Variants in A2M observed in about 807,000 individuals in gnomAD.
A2M encodes C3 and PZP-like alpha-2-macroglobulin domain-containing protein 5.
A2M carries 128 observed loss-of-function variants against 183.9 expected under a neutral mutation model. That is an observed-to-expected ratio of 0.70 (90% confidence interval 0.60 to 0.81). The LOEUF (loss-of-function observed/expected upper bound fraction) is 0.81. Ranked by LOEUF, A2M falls within the 30% of genes least tolerant of loss-of-function variation. A2M has a pLI of 0.00. For synonymous variants in A2M, 592 were observed against 670.8 expected, an observed-to-expected ratio of 0.88 and a Z score of 1.81; for missense variants, 1,495 against 1,787.6, an observed-to-expected ratio of 0.84 and a Z score of 2.95.
chr12:9,069,910 G>A, intron 32 of A2M, 97 bp from the exon 33 acceptor site: 1 of 1,007,302 alleles, frequency 9.9e-7, no homozygotes, highest in South Asian at 1.4e-5. Context: ...AACCCTGAGG[G>A]TAGAATTCTT....
chr12:9,102,361 C>T (rs1937937250), intron 11 of A2M, among the ~76,000 whole-genome samples: 1 of 152,104 alleles, frequency 6.6e-6, no homozygotes, highest in Non-Finnish European at 1.5e-5. Flanking sequence ...ACTACAGGTG[C>T]ATGCCACCCC....
chr12:9,094,662 TG>T (rs1260940269), intron 17 of A2M, among the ~76,000 whole-genome samples: 2 of 152,100 alleles, frequency 1.3e-5, no homozygotes, highest in East Asian at 1.9e-4. Flanking sequence ...AAATATTGGC[TG>T]ATGTTTTGGG....
intron 13 of A2M, among the ~76,000 whole-genome samples, chr12:9,099,754 G>A (rs1937679184): frequency 6.6e-6 from 1 of 152,206 alleles, no homozygotes; most frequent in Admixed American, 6.5e-5. Context: ...TCTGATGCTA[G>A]TTAAGGGTAT....
At chr12:9,102,004 T>C (rs1475687913) in intron 11 of A2M, among the ~76,000 whole-genome samples, 19 of 152,206 alleles carry the variant, frequency 1.2e-4, no homozygotes, top group Admixed American at 1.2e-3. Flanking sequence ...TGAAACTTCA[T>C]TGAGGAGAGT....
rs1025738051 is a variant in A2M, at chr12:9,106,835, G to A, written c.880-230C>T. 7.2e-5 allele frequency among the ~76,000 whole-genome samples: 11 copies of A among 152,134 alleles called. 1 individual carries two copies. In the Middle Eastern group the frequency reaches 0.01, roughly 141 times the overall value. Reference sequence around the variant, plus strand: ...ATCTGAAATTCCCTAGATATATTGCGATAGAAATGTCTTAAAATTTGAGGA... The same window carrying A: ...ATCTGAAATTCCCTAGATATATTGCAATAGAAATGTCTTAAAATTTGAGGA... On this transcript the variant is annotated intron_variant, in intron 8 of 35. Transcript: ENST00000318602.
In A2M at chr12:9,115,844, C is replaced by T. The variant is rs750578780; in HGVS notation, c.6G>A (p.Gly2=). The T allele has an allele frequency of 6.8e-6, 11 of 1,612,952 alleles. No individual in the cohort carries two copies. The South Asian group carries it at 7.7e-5, about 11-fold the overall frequency. The part of the protein sequence containing the change: M[G]KNKLLHPSLV... ...GACTTGGATGAAGGAGTTTGTTCTT[C>T]CCCATGTTGCAGAAAGAAGGAGCTG... The change falls in exon 1 of 36, where the codon GGG becomes GGA. Residue 2 remains glycine (G), a synonymous_variant. Transcript: ENST00000318602.
chr12:9,068,805 A>G lies in A2M; in HGVS notation c.4301T>C (p.Leu1434Pro). Reference sequence around the variant, plus strand: ...CAGATCTCTTACTGGGACATCTTGCAGAACCGTGAAGAACAAGCTCAGTGT... The same window carrying G: ...CAGATCTCTTACTGGGACATCTTGCGGAACCGTGAAGAACAAGCTCAGTGT... ...NQTLSLFFTVLQDVPVRDLKP... is the reference protein window; with the variant it reads ...NQTLSLFFTVPQDVPVRDLKP... The change falls in exon 34 of 36, where the codon CTG becomes CCG. Residue 1434 changes from leucine (L) to proline (P), a missense_variant. Leu to Pro is a moderately conservative substitution (Grantham distance 98). Coordinates refer to ENST00000318602, the MANE Select transcript of A2M (RefSeq NM_000014.6). 6 of 1,607,686 alleles carry G rather than the reference A, an allele frequency of 3.7e-6. No homozygotes were observed. Among genetic ancestry groups the G allele is most frequent in the Non-Finnish European group, 5.1e-6 (6 of 1,177,124 alleles).
rs755868906 is a variant in A2M, at chr12:9,076,775, A to G, written c.3513T>C (p.Asn1171=). 1 of 1,613,948 alleles carries G rather than the reference A, an allele frequency of 6.2e-7. No homozygotes were observed. The highest frequency in any genetic ancestry group is 8.5e-7 in the Non-Finnish European group (1 of 1,179,856). Residue 1171 remains asparagine (N), a synonymous_variant, in exon 28 of 36, where the codon AAT becomes AAC. Coordinates refer to ENST00000318602, the MANE Select transcript of A2M (RefSeq NM_000014.6). ...DKRKEVLKSL[N]EEAVKKDNSV... ...TCTCACCTTTCTTCACAGCTTCCTC[A>G]TTAAGTGACTTGAGTACTTCCTTCC...
At chr12:9,068,300 C>T in intron 34 of A2M, 76 bp from the exon 35 acceptor site, 1 of 1,479,408 alleles carries the variant, frequency 6.8e-7, no homozygotes. Flanking sequence ...CTGTGGGATA[C>T]AGGCCAAGGA....
intron 22 of A2M, among the ~76,000 whole-genome samples, chr12:9,086,393 G>A (rs1426879794): frequency 6.6e-6 from 1 of 152,024 alleles, no homozygotes; most frequent in East Asian, 1.9e-4. Flanking sequence ...CCAACCACAC[G>A]AAATAAACTA....
chr12:9,109,625 TA>T (rs1938573056), intron 6 of A2M, among the ~76,000 whole-genome samples: 1 of 152,222 alleles, frequency 6.6e-6, no homozygotes, highest in South Asian at 2.1e-4. Flanking sequence ...AAAACTCCAT[TA>T]AAACAAGAAT....
intron 2 of A2M, chr12:9,112,764 T>C (rs778532350): frequency 1.9e-6 from 1 of 526,604 alleles, no homozygotes; most frequent in Non-Finnish European, 3.4e-6. Context: ...GTAAGTGAGA[T>C]TCACACCTTC....
chr12:9,115,682 G>C, intron 1 of A2M, 82 bp downstream of exon 1: 1 of 1,070,404 alleles, frequency 9.3e-7, no homozygotes, highest in Non-Finnish European at 1.4e-6. Context: ...TCATAGGAAA[G>C]AAAAAGGAAT....
chr12:9,070,838 G>C (rs1179835179), intron 31 of A2M, among the ~76,000 whole-genome samples: 1 of 128,036 alleles, frequency 7.8e-6, no homozygotes, highest in Non-Finnish European at 1.6e-5. Flanking sequence ...TTTTTTTTTT[G>C]ATGGAGTTTT....
At position 9,104,226 on chromosome 12, in the gene A2M, T is replaced by C; in HGVS notation, c.1266+13A>G. On this transcript the variant is annotated intron_variant, in intron 11 of 35. Coordinates refer to ENST00000318602, the MANE Select transcript of A2M (RefSeq NM_000014.6). ...GCTACTTCATGTCATTGGTAATTTCTTTCCAAACTTACCCTAACAGTAAGA... is the reference window on the plus strand; with the variant it reads ...GCTACTTCATGTCATTGGTAATTTCCTTCCAAACTTACCCTAACAGTAAGA... 6.2e-7 allele frequency: 1 copy of C among 1,603,678 alleles called. No individual in the cohort carries two copies. Among genetic ancestry groups the C allele is most frequent in the Non-Finnish European group, 8.5e-7 (1 of 1,176,148 alleles).
intron 17 of A2M, among the ~76,000 whole-genome samples, 157 bp from the exon 18 acceptor site, chr12:9,093,736 CTTT>C (rs2137813699): frequency 6.6e-6 from 1 of 151,890 alleles, no homozygotes; most frequent in South Asian, 2.1e-4. Flanking sequence ...AGGAAAGCTT[CTTT>C]GAGGAGGAAA....
intron 29 of A2M, 103 bp from the exon 30 acceptor site, chr12:9,072,974 C>T (rs1356450782): frequency 2.5e-6 from 2 of 789,120 alleles, no homozygotes; most frequent in African/African-American, 3.5e-5. Context: ...TTTCCTACTT[C>T]CCTCACTACT....
chr12:9,094,842 G>A (rs1255069525), intron 17 of A2M, 131 bp downstream of exon 17: 1 of 431,504 alleles, frequency 2.3e-6, no homozygotes, highest in Non-Finnish European at 4.0e-6. Context: ...ATATGACCTT[G>A]AGCAATAACC....
intron 6 of A2M, 50 bp downstream of exon 6, chr12:9,109,817 A>G (rs1938586925): frequency 6.6e-7 from 1 of 1,522,440 alleles, no homozygotes; most frequent in African/African-American, 1.4e-5. Context: ...AGGACCTAAG[A>G]GTTTAAATAT....
Sources: allele counts gnomAD v4.1 joint callset (sites outside exome capture counted in the v4.1 genomes callset), GRCh38; gene constraint gnomAD v4.1.1; transcripts MANE v1.5; gene names NCBI Gene and HGNC (gene_info 2026-07-23, HGNC 2026-07-21).